Variants in DLGAP2 observed in about 807,000 individuals in gnomAD.
DLGAP2 encodes disks large-associated protein 2.
A neutral mutation model predicts 100.3 loss-of-function variants in DLGAP2; 26 were observed. The ratio of observed to expected loss-of-function variants is 0.26; its 90% CI spans 0.19 to 0.36. The LOEUF (loss-of-function observed/expected upper bound fraction) is 0.36. Among genes scored for constraint, DLGAP2 ranks in the 10% least tolerant of loss-of-function variants. DLGAP2 has a pLI of 1.00. For missense variants in DLGAP2, 1,858 were observed against 1,453.2 expected (o/e 1.28, Z -4.53); for synonymous variants, 886 against 630.1 (o/e 1.41, Z -6.08).
chr8:1,478,641 A>G (rs1000867301), intron 3 of DLGAP2, among the ~76,000 whole-genome samples: 1 of 150,580 alleles, frequency 6.6e-6, no homozygotes, highest in Non-Finnish European at 1.5e-5. Context: ...TCCTTTCTCT[A>G]TTCCTCTCTC....
chr8:891,978 G>C (rs1432224887), intron 1 of DLGAP2, among the ~76,000 whole-genome samples: 2 of 152,260 alleles, frequency 1.3e-5, no homozygotes, highest in African/African-American at 4.8e-5. Flanking sequence ...AACACTGCAC[G>C]TAAGTGTGCA....
chr8:1,345,565 A>G (rs1801535510), intron 3 of DLGAP2, among the ~76,000 whole-genome samples: 1 of 152,252 alleles, frequency 6.6e-6, no homozygotes, highest in South Asian at 2.1e-4. Flanking sequence ...TGTCTTAAGA[A>G]AACACATTGT....
chr8:1,365,844 C>T (rs897683120), intron 3 of DLGAP2, among the ~76,000 whole-genome samples: 6 of 152,254 alleles, frequency 3.9e-5, no homozygotes, highest in Non-Finnish European at 5.9e-5. Context: ...GCAGCTCAGA[C>T]GTAAATACAC....
At chr8:1,470,811 C>T (rs1208867812) in intron 3 of DLGAP2, among the ~76,000 whole-genome samples, 2 of 113,548 alleles carry the variant, frequency 1.8e-5, no homozygotes, top group East Asian at 2.9e-4. Flanking sequence ...CAGCCTTTCC[C>T]GACCCCTCCA....
intron 2 of DLGAP2, among the ~76,000 whole-genome samples, chr8:1,052,066 G>A (rs759870322): frequency 2.6e-5 from 4 of 152,114 alleles, no homozygotes; most frequent in African/African-American, 4.8e-5. Context: ...GCCAGCACGC[G>A]CCTGCCAACT....
chr8:1,357,985 G>C (rs990897228), intron 3 of DLGAP2, among the ~76,000 whole-genome samples: 1 of 152,192 alleles, frequency 6.6e-6, no homozygotes, highest in East Asian at 1.9e-4. Context: ...AATCGACTTA[G>C]AGAGCTGTCT....
chr8:1,464,584 A>G (rs1328694858), intron 3 of DLGAP2, among the ~76,000 whole-genome samples: 2 of 152,072 alleles, frequency 1.3e-5, no homozygotes, highest in African/African-American at 2.4e-5. Flanking sequence ...CTCTTCCAGG[A>G]CAGCTCCCTT....
intron 2 of DLGAP2, among the ~76,000 whole-genome samples, chr8:1,101,029 G>T (rs761464557): frequency 6.6e-6 from 1 of 152,188 alleles, no homozygotes; most frequent in Admixed American, 6.5e-5. Flanking sequence ...GTCCCACGTG[G>T]GGTTTCTTCT....
chr8:1,184,826 G>A (rs370650891), intron 2 of DLGAP2, among the ~76,000 whole-genome samples: 5 of 152,180 alleles, frequency 3.3e-5, no homozygotes, highest in Admixed American at 2.0e-4. Context: ...CTCTGCGCAC[G>A]TTGCACGCCT....
chr8:1,544,252 T>G lies in DLGAP2; in HGVS notation c.173-4374T>G, dbSNP rs144962786. ...GTCCCAGGGACTTTATTCTTTTAGA[T>G]GTTATTTTAAGTGGAATTGCTTTTC... On this transcript the variant is annotated intron_variant, in intron 4 of 14. Transcript: ENST00000637795. Among the ~76,000 whole-genome samples the G allele has an allele frequency of 8.2e-4, 125 of 152,292 alleles. 1 individual carries two copies. The highest frequency in any genetic ancestry group is 2.7e-3 in the African/African-American group (113 of 41,558).
chr8:1,501,545 G>C, intron 4 of DLGAP2, 114 bp downstream of exon 4: 1 of 1,089,446 alleles, frequency 9.2e-7, no homozygotes, highest in African/African-American at 1.6e-5. Flanking sequence ...TGTTTAGAAA[G>C]GGAGCTAAGA....
intron 3 of DLGAP2, among the ~76,000 whole-genome samples, chr8:1,316,827 C>G (rs1384901019): frequency 4.2e-5 from 6 of 142,446 alleles, no homozygotes; most frequent in South Asian, 4.5e-4. Flanking sequence ...AAAAATAGAG[C>G]CTGTGCGAGT....
At chr8:1,582,720 G>C (rs1000344601) in intron 6 of DLGAP2, among the ~76,000 whole-genome samples, 5 of 152,254 alleles carry the variant, frequency 3.3e-5, no homozygotes, top group South Asian at 4.1e-4. Context: ...CTCCCGAGCA[G>C]CTGGGATTAC....
chr8:1,260,252 C>T (rs2116907506), intron 3 of DLGAP2, among the ~76,000 whole-genome samples: 1 of 152,056 alleles, frequency 6.6e-6, no homozygotes, highest in African/African-American at 2.4e-5. Flanking sequence ...TTGCCATTCC[C>T]ACCAGGGAAT....
intron 1 of DLGAP2, among the ~76,000 whole-genome samples, chr8:766,400 A>C (rs950044249): frequency 6.6e-6 from 1 of 152,188 alleles, no homozygotes; most frequent in Non-Finnish European, 1.5e-5. Context: ...TCCTTCCTCT[A>C]TGTGAGCTGC....
intron 3 of DLGAP2, among the ~76,000 whole-genome samples, chr8:1,331,878 C>T (rs1163472685): frequency 1.3e-5 from 2 of 152,308 alleles, no homozygotes; most frequent in African/African-American, 4.8e-5. Context: ...CTGCAACCTT[C>T]CCAGTAGAGC....
intron 2 of DLGAP2, among the ~76,000 whole-genome samples, chr8:935,204 C>G (rs550012526): frequency 6.6e-6 from 1 of 152,228 alleles, no homozygotes; most frequent in Non-Finnish European, 1.5e-5. Context: ...ATGGGGGCGT[C>G]TCTCTTCCTT....
intron 4 of DLGAP2, among the ~76,000 whole-genome samples, chr8:1,519,875 G>C (rs1376708426): frequency 6.6e-6 from 1 of 152,264 alleles, no homozygotes; most frequent in Admixed American, 6.5e-5. Context: ...GAGCAGGGGA[G>C]CATGGGTGGG....
intron 2 of DLGAP2, among the ~76,000 whole-genome samples, chr8:919,668 C>A (rs1216216897): frequency 6.6e-6 from 1 of 152,190 alleles, no homozygotes; most frequent in Non-Finnish European, 1.5e-5. Flanking sequence ...AGCAGCAAGT[C>A]CCTGGAGGAA....
Sources: allele counts gnomAD v4.1 joint callset (sites outside exome capture counted in the v4.1 genomes callset), GRCh38; gene constraint gnomAD v4.1.1; transcripts MANE v1.5; gene names NCBI Gene and HGNC (gene_info 2026-07-23, HGNC 2026-07-21).